The following OPA1 variants were observed in gnomAD, a reference collection of about 807,000 sequenced individuals.
OPA1 encodes dynamin-like GTPase OPA1, mitochondrial.
Under a neutral mutation model 152.9 loss-of-function variants are expected in OPA1, and 59 were observed. The observed-to-expected ratio is 0.39, with a 90% CI of 0.31 to 0.48. The LOEUF (loss-of-function observed/expected upper bound fraction) is 0.48, where lower values mean the gene tolerates loss of function less well. Among genes scored for constraint, OPA1 ranks in the 20% least tolerant of loss-of-function variants. The pLI is 0.96. For missense variants in OPA1, 1,008 were observed against 1,216.8 expected (o/e 0.83, Z 2.55); for synonymous variants, 400 against 389.9 (o/e 1.03, Z -0.31).
intron 7 of OPA1, among the ~76,000 whole-genome samples, chr3:193,630,045 T>C (rs1731828412): frequency 6.6e-6 from 1 of 152,230 alleles, no homozygotes; most frequent in South Asian, 2.1e-4. Flanking sequence ...ATAACAATTT[T>C]TTATGACCAC....
At chr3:193,653,195 G>A (rs1712950732) in intron 21 of OPA1, among the ~76,000 whole-genome samples, 1 of 152,170 alleles carries the variant, frequency 6.6e-6, no homozygotes, top group African/African-American at 2.4e-5. Flanking sequence ...TTGGGCCCCA[G>A]TCATATATCC....
chr3:193,654,962 AAC>A lies in OPA1; in HGVS notation c.2116_2117del (p.Thr706HisfsTer7). ...AAQTMNSGTFNTTVDIKLKQW... is the reference protein window; with the variant it reads ...AAQTMNSGTFXTTVDIKLKQW... ...GCAGACCATGAATTCAGGAACTTTT[AAC>A]ACCACAGTGGATATCAAGCTTAAAC... is the stretch of plus-strand genomic sequence containing the variant. On this transcript the variant is annotated frameshift_variant, in exon 22 of 31. Coordinates refer to ENST00000361510, the MANE Select transcript of OPA1 (RefSeq NM_130837.3). LOFTEE classifies it high-confidence loss of function. The A allele has an allele frequency of 6.2e-7, 1 of 1,614,000 alleles. No homozygotes were observed. The highest frequency in any genetic ancestry group is 8.5e-7 in the Non-Finnish European group (1 of 1,179,936).
At chr3:193,679,000 T>G (rs941525110) in intron 29 of OPA1, among the ~76,000 whole-genome samples, 1 of 152,104 alleles carries the variant, frequency 6.6e-6, no homozygotes, top group African/African-American at 2.4e-5. Context: ...GGCCCAGGCA[T>G]GCATTCAGGA....
At chr3:193,670,516 G>A (rs1330776355) in intron 29 of OPA1, among the ~76,000 whole-genome samples, 6 of 151,312 alleles carry the variant, frequency 4.0e-5, no homozygotes, top group South Asian at 2.1e-4. Context: ...ACAGGCGCCC[G>A]CCACCATGCC....
At chr3:193,645,335 G>T (rs1478042968) in intron 16 of OPA1, among the ~76,000 whole-genome samples, 1 of 152,048 alleles carries the variant, frequency 6.6e-6, no homozygotes, top group Non-Finnish European at 1.5e-5. Context: ...ACATCATTCC[G>T]GGTTTTCGAT....
rs148580399 is a variant in OPA1, at chr3:193,669,733, T to C, written c.2983+2453T>C. ...ACCAGCATAACACATTTTTAAGTGA[T>C]TGGAAAATCATAAGTATCTTTTCTT... On this transcript the variant is annotated intron_variant, in intron 29 of 30. Transcript: ENST00000361510. Among the ~76,000 whole-genome samples the C allele has an allele frequency of 5.7e-3, 871 of 152,318 alleles. 3 individuals carry two copies. Among genetic ancestry groups the C allele is most frequent in the Non-Finnish European group, 9.1e-3 (621 of 68,022 alleles).
chr3:193,662,641 G>A (rs183750922), intron 25 of OPA1, among the ~76,000 whole-genome samples, 181 bp from the exon 26 acceptor site: 36 of 142,498 alleles, frequency 2.5e-4, no homozygotes, highest in Admixed American at 4.3e-4. Flanking sequence ...GTGTTCATAG[G>A]CCATTTACCA....
At chr3:193,683,165 T>C (rs921198591) in intron 29 of OPA1, among the ~76,000 whole-genome samples, 26 of 152,258 alleles carry the variant, frequency 1.7e-4, no homozygotes, top group Admixed American at 1.6e-3. Context: ...ACTGCAGATA[T>C]GGTAGAGACA....
At chr3:193,635,394 G>T (rs778408964) in intron 8 of OPA1, 24 bp from the exon 9 acceptor site, 5 of 1,406,834 alleles carry the variant, frequency 3.6e-6, no homozygotes, top group Non-Finnish European at 5.0e-6. Flanking sequence ...TGCTTATATA[G>T]TTACACTTAT....
chr3:193,667,086 T>C, intron 28 of OPA1, 84 bp from the exon 29 acceptor site: 1 of 728,272 alleles, frequency 1.4e-6, no homozygotes, highest in Non-Finnish European at 2.5e-6. Context: ...AAAAATTTAC[T>C]CTCCATATAT....
intron 11 of OPA1, among the ~76,000 whole-genome samples, chr3:193,642,351 A>G (rs558844917): frequency 1.3e-5 from 2 of 152,246 alleles, no homozygotes; most frequent in South Asian, 2.1e-4. Context: ...TTCACTCTCT[A>G]TAGAGGTTGA....
At chr3:193,657,854 C>T (rs1714226620) in intron 23 of OPA1, among the ~76,000 whole-genome samples, 1 of 152,144 alleles carries the variant, frequency 6.6e-6, no homozygotes, top group South Asian at 2.1e-4. Context: ...GCCTGCTGTG[C>T]TCAGAGAGTT....
In OPA1 at chr3:193,669,468, C is replaced by T. The variant is rs184767709; in HGVS notation, c.2983+2188C>T. 3.0e-3 allele frequency among the ~76,000 whole-genome samples: 456 copies of T among 152,270 alleles called. 3 individuals carry two copies. The highest frequency in any genetic ancestry group is 0.024 in the Middle Eastern group (7 of 294). On this transcript the variant is annotated intron_variant, in intron 29 of 30. Transcript: ENST00000361510. ...CATTTACTACTAGCTGTGTCATCTT[C>T]GGCAGGGAATCTCCCAGAGCCTTAG...
chr3:193,648,688 C>T, intron 20 of OPA1, 107 bp from the exon 21 acceptor site: 1 of 774,508 alleles, frequency 1.3e-6, no homozygotes, highest in South Asian at 1.5e-5. Context: ...TAATTAAACC[C>T]AAATTCAGCC....
At chr3:193,679,317 G>A (rs1719753307) in intron 29 of OPA1, among the ~76,000 whole-genome samples, 1 of 152,120 alleles carries the variant, frequency 6.6e-6, no homozygotes, top group African/African-American at 2.4e-5. Flanking sequence ...AAGAGAGGGA[G>A]GGAGGGAGGG....
chr3:193,634,217 G>T (rs1337795782), intron 8 of OPA1, among the ~76,000 whole-genome samples: 1 of 151,046 alleles, frequency 6.6e-6, no homozygotes, highest in African/African-American at 2.4e-5. Flanking sequence ...ATAAAAGCTG[G>T]GAAGACAAAT....
At chr3:193,625,500 C>T (rs1372356359) in intron 6 of OPA1, among the ~76,000 whole-genome samples, 2 of 151,636 alleles carry the variant, frequency 1.3e-5, no homozygotes, top group Non-Finnish European at 2.9e-5. Flanking sequence ...TCAAAACAAC[C>T]TGAAACATTA....
chr3:193,651,394 AAGAT>A (rs775060254), intron 21 of OPA1, among the ~76,000 whole-genome samples: 13 of 152,216 alleles, frequency 8.5e-5, no homozygotes, highest in South Asian at 2.1e-4. Flanking sequence ...GGTTACCTAA[AAGAT>A]AGAATTGACA....
At position 193,626,011 on chromosome 3, in the gene OPA1, A is replaced by G. The variant is rs1731057029; in HGVS notation, c.679-81A>G. ...AGTTAACCATCCCTCCCTAGCTTACATCTGTTCCTTTGTTGCACCCTTGGT... is the reference window on the plus strand; with the variant it reads ...AGTTAACCATCCCTCCCTAGCTTACGTCTGTTCCTTTGTTGCACCCTTGGT... On this transcript the variant is annotated intron_variant, in intron 6 of 30. Transcript: ENST00000361510. 7.8e-6 allele frequency: 8 copies of G among 1,025,036 alleles called. No homozygotes were observed. In the Admixed American group the frequency reaches 1.4e-4, roughly 17 times the overall value. 63.5% of individuals were successfully genotyped at this position (1,025,036 alleles called of 1,614,324 possible). A position where few individuals can be genotyped will look rare whatever the true frequency, so the allele number is the denominator to read the frequency against.
Sources: gnomAD v4.1 joint callset for allele counts (sites outside exome capture counted in the v4.1 genomes callset) on GRCh38, gnomAD v4.1.1 for gene constraint, MANE v1.5 for transcripts, NCBI Gene and HGNC (gene_info 2026-07-23, HGNC 2026-07-21) for gene names.